Variants in TTC28 observed in about 807,000 individuals in gnomAD.
The protein encoded by TTC28 is tetratricopeptide repeat domain 28.
Under a neutral mutation model 198.0 loss-of-function variants are expected in TTC28, and 61 were observed. The ratio of observed to expected loss-of-function variants is 0.31; its 90% CI spans 0.25 to 0.38. TTC28 has a LOEUF of 0.38. Ranked by LOEUF, TTC28 falls within the 10% of genes least tolerant of loss-of-function variation. The pLI is 1.00. For synonymous variants in TTC28, 1,171 were observed against 1,297.8 expected (o/e 0.90, Z 2.10); for missense variants, 2,678 against 3,164.0 (o/e 0.85, Z 3.69).
chr22:28,384,915 G>C (rs928729380), intron 2 of TTC28, among the ~76,000 whole-genome samples: 2 of 151,908 alleles, frequency 1.3e-5, no homozygotes, highest in Admixed American at 6.5e-5. Flanking sequence ...CCGGGGACGG[G>C]GGGGATCATC....
At chr22:28,142,125 G>A (rs943440233) in intron 6 of TTC28, among the ~76,000 whole-genome samples, 1 of 152,162 alleles carries the variant, frequency 6.6e-6, no homozygotes, top group Non-Finnish European at 1.5e-5. Context: ...CATTCTCCCT[G>A]GGAAGGTAAA....
chr22:27,990,744 T>G, intron 20 of TTC28, 45 bp downstream of exon 20: 1 of 1,543,678 alleles, frequency 6.5e-7, no homozygotes, highest in Non-Finnish European at 8.7e-7. Flanking sequence ...GTGGGTGGGT[T>G]GAGGGGCTCA....
chr22:28,501,524 AAAG>A (rs142693584), intron 2 of TTC28, among the ~76,000 whole-genome samples: 7 of 152,322 alleles, frequency 4.6e-5, no homozygotes, highest in East Asian at 1.9e-4. Context: ...ATGAAAAATT[AAAG>A]AAGATCTAAG....
intron 2 of TTC28, among the ~76,000 whole-genome samples, chr22:28,542,753 T>C (rs2049443900): frequency 6.6e-6 from 1 of 152,042 alleles, no homozygotes; most frequent in Non-Finnish European, 1.5e-5. Flanking sequence ...GAAAACACAA[T>C]ATATCAACAT....
chr22:28,018,325 C>A, intron 13 of TTC28, among the ~76,000 whole-genome samples: 1 of 145,062 alleles, frequency 6.9e-6, no homozygotes, highest in Admixed American at 6.9e-5. Flanking sequence ...GGGCGGGGAA[C>A]CTGTCCCTAG....
intron 14 of TTC28, among the ~76,000 whole-genome samples, chr22:28,013,976 C>A (rs1395794517): frequency 6.6e-6 from 1 of 152,144 alleles, no homozygotes; most frequent in African/African-American, 2.4e-5. Flanking sequence ...GCTGAATGTA[C>A]CCGGCTTGTA....
intron 5 of TTC28, among the ~76,000 whole-genome samples, chr22:28,275,316 C>T (rs940300839): frequency 1.3e-5 from 2 of 152,166 alleles, no homozygotes; most frequent in African/African-American, 4.8e-5. Context: ...TCCATCACTG[C>T]CATGAGTTTG....
At chr22:27,991,842 G>A (rs1358978306) in intron 19 of TTC28, among the ~76,000 whole-genome samples, 1 of 152,180 alleles carries the variant, frequency 6.6e-6, no homozygotes, top group Non-Finnish European at 1.5e-5. Context: ...GGAACCCGCC[G>A]AACTCCTGAA....
chr22:28,571,014 A>AT, intron 2 of TTC28, among the ~76,000 whole-genome samples: 1 of 152,170 alleles, frequency 6.6e-6, no homozygotes, highest in Non-Finnish European at 1.5e-5. Context: ...TGACTGTAAG[A>AT]TTTTAGACTA....
chr22:28,326,898 A>G (rs951956484), intron 2 of TTC28, among the ~76,000 whole-genome samples: 4 of 151,960 alleles, frequency 2.6e-5, no homozygotes, highest in Non-Finnish European at 4.4e-5. Flanking sequence ...AGATTGTTTT[A>G]AATATATTAT....
intron 6 of TTC28, among the ~76,000 whole-genome samples, chr22:28,127,998 G>A (rs1458261471): frequency 1.3e-5 from 2 of 151,832 alleles, no homozygotes; most frequent in Non-Finnish European, 2.9e-5. Context: ...CAAAGTATTG[G>A]AACTACAGGT....
At chr22:28,610,706 T>C (rs965228004) in intron 2 of TTC28, among the ~76,000 whole-genome samples, 3 of 151,982 alleles carry the variant, frequency 2.0e-5, no homozygotes, top group African/African-American at 7.3e-5. Context: ...GGAACAAAAC[T>C]GGACAGAGAA....
At chr22:28,393,965 C>T (rs1319273349) in intron 2 of TTC28, among the ~76,000 whole-genome samples, 1 of 152,170 alleles carries the variant, frequency 6.6e-6, no homozygotes, top group African/African-American at 2.4e-5. Context: ...TCTCAAACTT[C>T]TTGGTTCAAG....
intron 6 of TTC28, among the ~76,000 whole-genome samples, chr22:28,121,295 A>G (rs932467106): frequency 2.6e-5 from 4 of 152,236 alleles, no homozygotes; most frequent in Non-Finnish European, 5.9e-5. Flanking sequence ...GTTGGTTCAC[A>G]GTGAACCTCA....
chr22:28,346,154 G>A (rs903023500), intron 2 of TTC28, among the ~76,000 whole-genome samples: 1 of 152,138 alleles, frequency 6.6e-6, no homozygotes, highest in Admixed American at 6.5e-5. Context: ...AGATTCAAGA[G>A]GGTAAATAAA....
intron 2 of TTC28, among the ~76,000 whole-genome samples, chr22:28,535,003 A>G (rs1156565961): frequency 6.6e-6 from 1 of 152,152 alleles, no homozygotes; most frequent in Non-Finnish European, 1.5e-5. Flanking sequence ...GCACATGTAT[A>G]CATATGTAAC....
At chr22:28,452,694 G>A (rs764874399) in intron 2 of TTC28, among the ~76,000 whole-genome samples, 29 of 152,286 alleles carry the variant, frequency 1.9e-4, no homozygotes, top group Non-Finnish European at 4.0e-4. Context: ...GGCGGTTAGG[G>A]AGGTACTTTT....
chr22:28,031,551 C>G (rs1428831320), intron 12 of TTC28, among the ~76,000 whole-genome samples: 1 of 152,112 alleles, frequency 6.6e-6, no homozygotes, highest in Non-Finnish European at 1.5e-5. Context: ...TTGGTGCATA[C>G]AGATTTGGGT....
chr22:28,553,809 C>G (rs1035813714), intron 2 of TTC28, among the ~76,000 whole-genome samples: 7 of 152,054 alleles, frequency 4.6e-5, no homozygotes, highest in African/African-American at 1.7e-4. Flanking sequence ...GGCACCTCTG[C>G]CCGGCTGCCC....
Sources: allele counts gnomAD v4.1 joint callset (sites outside exome capture counted in the v4.1 genomes callset), GRCh38; gene constraint gnomAD v4.1.1; transcripts MANE v1.5; gene names NCBI Gene and HGNC (gene_info 2026-07-23, HGNC 2026-07-21).